Variants in COL24A1 observed in about 807,000 individuals in gnomAD.
The protein encoded by COL24A1 is collagen type XXIV alpha 1 chain, also known as collagen alpha-1(XXIV) chain.
COL24A1 carries 224 observed loss-of-function variants against 253.9 expected under a neutral mutation model. The ratio of observed to expected loss-of-function variants is 0.88; its 90% CI spans 0.79 to 0.99. The LOEUF is 0.99. Among genes scored for constraint, COL24A1 ranks in the 50% least tolerant of loss-of-function variants. The pLI is 0.00. For synonymous variants in COL24A1, 685 were observed against 673.7 expected (o/e 1.02, Z -0.26); for missense variants, 2,131 against 2,068.5 (o/e 1.03, Z -0.59).
rs886379839 is a variant in COL24A1, at chr1:85,965,984, G to A, written c.2464-922C>T. Among the ~76,000 whole-genome samples, 14 of 152,250 alleles carry A rather than the reference G, an allele frequency of 9.2e-5. No homozygotes were observed. In the South Asian group the frequency reaches 2.3e-3, roughly 25 times the overall value. ...ATAGGAAGCCTCAGACAACTTTAAG[G>A]AGAAAACTGATGAGATCTAAGTTTT... On this transcript the variant is annotated intron_variant, in intron 22 of 59. Transcript: ENST00000370571.
chr1:85,872,939 T>C (rs139457988), intron 35 of COL24A1, among the ~76,000 whole-genome samples: 3,849 of 152,202 alleles, frequency 0.025, 164 homozygotes, highest in African/African-American at 0.087. Flanking sequence ...AATCTACCCA[T>C]CTTTCAAAGG....
chr1:86,003,130 C>A (rs1416720235), intron 19 of COL24A1, among the ~76,000 whole-genome samples: 1 of 152,110 alleles, frequency 6.6e-6, no homozygotes, highest in African/African-American at 2.4e-5. Context: ...CTCTGGAATT[C>A]TGGAGTAAGG....
chr1:86,124,586 G>T (rs530542734), intron 3 of COL24A1, among the ~76,000 whole-genome samples: 2 of 151,774 alleles, frequency 1.3e-5, no homozygotes, highest in Non-Finnish European at 2.9e-5. Flanking sequence ...CAAATAGTTT[G>T]CCCACTACTT....
chr1:85,799,146 A>G (rs1671129552), intron 47 of COL24A1, among the ~76,000 whole-genome samples: 1 of 150,306 alleles, frequency 6.7e-6, no homozygotes, highest in East Asian at 2.0e-4. Context: ...CAGTCACATG[A>G]TCTTGAAAAA....
intron 53 of COL24A1, among the ~76,000 whole-genome samples, chr1:85,762,552 T>TTTTG: frequency 6.6e-6 from 1 of 152,226 alleles, no homozygotes; most frequent in Non-Finnish European, 1.5e-5. Flanking sequence ...TCAAAATTAA[T>TTTTG]ACTAGTTAAT....
At chr1:85,942,093 T>C (rs113266805) in intron 24 of COL24A1, among the ~76,000 whole-genome samples, 13 of 152,168 alleles carry the variant, frequency 8.5e-5, no homozygotes, top group African/African-American at 3.1e-4. Context: ...GGAGATCATA[T>C]AGGGAAAAAG....
chr1:86,075,219 G>A (rs1430793195), intron 7 of COL24A1, among the ~76,000 whole-genome samples: 3 of 152,046 alleles, frequency 2.0e-5, no homozygotes, highest in African/African-American at 7.2e-5. Context: ...TATCATCACC[G>A]ATCCCACAGA....
chr1:86,147,943 G>T (rs890480334), intron 1 of COL24A1, among the ~76,000 whole-genome samples: 1 of 152,126 alleles, frequency 6.6e-6, no homozygotes, highest in South Asian at 2.1e-4. Context: ...AAGCACTTGT[G>T]AGCAATCACT....
chr1:85,792,262 T>C (rs1194467452), intron 47 of COL24A1, among the ~76,000 whole-genome samples: 3 of 152,104 alleles, frequency 2.0e-5, no homozygotes, highest in Non-Finnish European at 2.9e-5. Flanking sequence ...GGTTATTCAA[T>C]AGTTTCTCCA....
intron 24 of COL24A1, among the ~76,000 whole-genome samples, chr1:85,955,904 C>T (rs1690415072): frequency 6.6e-6 from 1 of 152,124 alleles, no homozygotes; most frequent in African/African-American, 2.4e-5. Flanking sequence ...AGGCAAATAA[C>T]ATTTGACAAT....
intron 5 of COL24A1, among the ~76,000 whole-genome samples, chr1:86,110,889 G>A (rs935767722): frequency 6.6e-5 from 10 of 150,600 alleles, no homozygotes; most frequent in Non-Finnish European, 1.2e-4. Flanking sequence ...CTCCTTCTCC[G>A]TGGTGCCTGG....
chr1:86,070,365 G>A (rs10443169), intron 7 of COL24A1, among the ~76,000 whole-genome samples: 23,979 of 152,072 alleles, frequency 0.16, 2,162 homozygotes, highest in East Asian at 0.28. Flanking sequence ...AAATCTGAGA[G>A]TTATTGGCCT....
At chr1:85,886,684 G>T (rs1343013723) in intron 32 of COL24A1, among the ~76,000 whole-genome samples, 2 of 151,710 alleles carry the variant, frequency 1.3e-5, no homozygotes, top group Non-Finnish European at 2.9e-5. Flanking sequence ...AAAAAAAATG[G>T]TTGCTAAATT....
At chr1:85,836,069 C>T (rs2102192198) in intron 43 of COL24A1, among the ~76,000 whole-genome samples, 1 of 152,202 alleles carries the variant, frequency 6.6e-6, no homozygotes, top group South Asian at 2.1e-4. Flanking sequence ...CTAAGTTTTC[C>T]CCAGTTTACT....
At chr1:85,871,774 T>G (rs563368769) in intron 35 of COL24A1, among the ~76,000 whole-genome samples, 68 of 152,274 alleles carry the variant, frequency 4.5e-4, no homozygotes, top group African/African-American at 1.6e-3. Flanking sequence ...AGCATTCCCT[T>G]TGAAAACTGG....
At chr1:86,086,276 C>T (rs1251974532) in intron 7 of COL24A1, among the ~76,000 whole-genome samples, 1 of 152,092 alleles carries the variant, frequency 6.6e-6, no homozygotes, top group Non-Finnish European at 1.5e-5. Flanking sequence ...TAACAAATAT[C>T]GAATTAACGT....
intron 6 of COL24A1, among the ~76,000 whole-genome samples, chr1:86,091,004 G>A (rs989009224): frequency 4.0e-5 from 6 of 151,868 alleles, no homozygotes; most frequent in Non-Finnish European, 7.4e-5. Flanking sequence ...AAAATTGAGT[G>A]GGCCTCTAAT....
chr1:85,913,295 G>C (rs1333108376), intron 24 of COL24A1, among the ~76,000 whole-genome samples: 1 of 152,128 alleles, frequency 6.6e-6, no homozygotes, highest in East Asian at 1.9e-4. Context: ...AGGCCAGCTA[G>C]GTGACAATAC....
At position 86,125,613 on chromosome 1, in the gene COL24A1, C is replaced by T. The variant is rs1175233342; in HGVS notation, c.723G>A (p.Gln241=). ...GTTGGTATTTGTCTGCTTGGCGACACTGCTGTTTCACATATCTGCAGTAGT... is the reference window on the plus strand; with the variant it reads ...GTTGGTATTTGTCTGCTTGGCGACATTGCTGTTTCACATATCTGCAGTAGT... ...SADYCRYVKQ[Q]CRQADKYQPE... is the part of the protein sequence containing the mutation. Residue 241 remains glutamine, a synonymous_variant, in exon 3 of 60, where the codon CAG becomes CAA. Coordinates refer to ENST00000370571, the MANE Select transcript of COL24A1 (RefSeq NM_152890.7). The T allele has an allele frequency of 1.9e-6, 3 of 1,613,332 alleles. No individual in the cohort carries two copies. In the Admixed American group the frequency reaches 5.0e-5, roughly 27 times the overall value.
Sources: gnomAD v4.1 joint callset for allele counts (sites outside exome capture counted in the v4.1 genomes callset) on GRCh38, gnomAD v4.1.1 for gene constraint, MANE v1.5 for transcripts, NCBI Gene and HGNC (gene_info 2026-07-23, HGNC 2026-07-21) for gene names.